The following GIGYF1 variants were observed in gnomAD, a reference collection of about 807,000 sequenced individuals.
GIGYF1 encodes the protein GRB10-interacting GYF protein 1.
A neutral mutation model predicts 147.1 loss-of-function variants in GIGYF1; 84 were observed. The ratio of observed to expected loss-of-function variants is 0.57; its 90% confidence interval spans 0.48 to 0.68. The LOEUF is 0.68. GIGYF1 is among the 30% of genes least tolerant of loss of function. The probability of loss-of-function intolerance (pLI) is 0.00; values close to 1 mark genes in which losing one functional copy is unlikely to be tolerated. For synonymous variants in GIGYF1, 752 were observed against 589.5 expected (o/e 1.28, Z -3.99); for missense variants, 1,485 against 1,393.7 (o/e 1.07, Z -1.04).
In GIGYF1 at chr7:100,682,490, G is replaced by A; in HGVS notation, c.2601-8C>T. ...AGGTGGCTGTATGAGTCACTGAAGG[G>A]GGAGGGTGAGTCAGGGTTGGAAATC... On this transcript the variant is annotated splice_polypyrimidine_tract_variant and splice_region_variant and intron_variant, in intron 23 of 26. Coordinates refer to ENST00000678049, the MANE Select transcript of GIGYF1 (RefSeq NM_001375765.1). 6.2e-7 allele frequency: 1 copy of A among 1,610,524 alleles called. No individual in the cohort carries two copies. Among genetic ancestry groups the A allele is most frequent in the Non-Finnish European group, 8.5e-7 (1 of 1,179,792 alleles).
intron 1 of GIGYF1, among the ~76,000 whole-genome samples, chr7:100,690,443 G>A (rs1805736848): frequency 1.3e-5 from 2 of 152,112 alleles, no homozygotes; most frequent in African/African-American, 2.4e-5. Flanking sequence ...CTGAGTAACA[G>A]AACAAGACCA....
rs759008244 is a variant in GIGYF1 at position 100,682,115 on chromosome 7, C to T, written c.2882G>A (p.Arg961Gln). ...CTGGCTGGCTTTCTGCTTGGCCCTC[C>T]GCTCCAGGAATTGTTTGGCAAATTC... The part of the protein sequence containing the change: ...AKEFAKQFLE[R>Q]RAKQKASQQR... The change falls in exon 25 of 27, where the codon CGG becomes CAG. Residue 961 changes from arginine (R) to glutamine (Q), a missense_variant. Arg to Gln is a conservative substitution (Grantham distance 43). Coordinates refer to ENST00000678049, the MANE Select transcript of GIGYF1 (RefSeq NM_001375765.1). 5.0e-6 allele frequency: 8 copies of T among 1,613,914 alleles called. No individual in the cohort carries two copies. The highest frequency in any genetic ancestry group is 1.7e-5 in the Admixed American group (1 of 60,028).
In GIGYF1 at chr7:100,680,967, G is replaced by A. The variant is rs1185173703; in HGVS notation, c.*752C>T. 6.5e-6 allele frequency: 1 copy of A among 152,710 alleles called. No homozygotes were observed. Among genetic ancestry groups the A allele is most frequent in the Non-Finnish European group, 1.5e-5 (1 of 68,070 alleles). The allele number at this position is 152,710 out of a possible 1,614,324, so 9.5% of individuals were successfully genotyped here. A position where few individuals can be genotyped will look rare whatever the true frequency, so the allele number is the denominator to read the frequency against. On this transcript the variant is annotated 3_prime_UTR_variant, in exon 27 of 27. Transcript: ENST00000678049. ...GCTGCCCCACCCTGCCAGCCAGAGA[G>A]GTTGGCACGGCTTGGCCCCTCCCGT...
chr7:100,682,832 A>C (rs1309032361), intron 22 of GIGYF1, 55 bp from the exon 23 acceptor site: 28 of 1,483,970 alleles, frequency 1.9e-5, no homozygotes, highest in Non-Finnish European at 2.3e-5. Context: ...AGAAAAGCGG[A>C]TGGGGAGGCT....
At chr7:100,685,695 C>T (rs375072784) in intron 12 of GIGYF1, among the ~76,000 whole-genome samples, 4 of 152,150 alleles carry the variant, frequency 2.6e-5, no homozygotes. Context: ...ATCACAACAT[C>T]GCACAACACC....
chr7:100,679,709 G>A lies in GIGYF1; in HGVS notation c.*2010C>T, dbSNP rs1419791508. ...CCCAGGAAGACCGGGGCCGGGGAAG[G>A]ACAGCAACAGGGTCTGAGTCCCTGG... On this transcript the variant is annotated 3_prime_UTR_variant, in exon 27 of 27. Transcript: ENST00000678049. 6.5e-6 allele frequency: 1 copy of A among 152,772 alleles called. No individual in the cohort carries two copies. The highest frequency in any genetic ancestry group is 2.4e-5 in the African/African-American group (1 of 41,420). The allele number at this position is 152,772 out of a possible 1,614,324, so 9.5% of individuals were successfully genotyped here. A position where few individuals can be genotyped will look rare whatever the true frequency, so the allele number is the denominator to read the frequency against.
intron 1 of GIGYF1, among the ~76,000 whole-genome samples, chr7:100,693,540 G>A (rs1805987497): frequency 6.6e-6 from 1 of 152,210 alleles, no homozygotes; most frequent in African/African-American, 2.4e-5. Context: ...TGGAGGGCAA[G>A]GCTTCCATGT....
In GIGYF1 at chr7:100,687,815, A is replaced by G. The variant is rs769972939; in HGVS notation, c.234T>C (p.Ala78=). ...GTTCCTCCTCAGTCAGCGGCTCCAG[A>G]GCCAGGGGCTGCAGTGGCTCGTCCT... The part of the protein sequence containing the change: ...VLQDEPLQPL[A]LEPLTEEEQR... Residue 78 remains alanine, a synonymous_variant, in exon 6 of 27, where the codon GCT becomes GCC. Transcript: ENST00000678049. The G allele has an allele frequency of 1.1e-5, 17 of 1,612,902 alleles. No homozygotes were observed. In the South Asian group the frequency reaches 1.6e-4, roughly 16 times the overall value.
chr7:100,693,880 G>A (rs1234795002), intron 1 of GIGYF1: 1 of 151,630 alleles, frequency 6.6e-6, no homozygotes, highest in Non-Finnish European at 1.5e-5. Flanking sequence ...CCGGCTCTGG[G>A]GGAGGGTCCC....
Position 100,683,626 on chromosome 7 carries a change from T to C in GIGYF1, c.1976A>G (p.Glu659Gly). 1 of 1,614,062 alleles carries C rather than the reference T, an allele frequency of 6.2e-7. No individual in the cohort carries two copies. Among genetic ancestry groups the C allele is most frequent in the Non-Finnish European group, 8.5e-7 (1 of 1,179,898 alleles). Reference sequence around the variant, plus strand: ...AATTGGTATGTCCCAAAGACTGGCCTCACCACCTGCAGGGGGCAGGGGGGC... The same window carrying C: ...AATTGGTATGTCCCAAAGACTGGCCCCACCACCTGCAGGGGGCAGGGGGGC... ...HTSASSQSGG[E>G]ASLWDIPINS... is the part of the protein sequence containing the mutation. Residue 659 changes from glutamate to glycine, a missense_variant, in exon 20 of 27, where the codon GAG becomes GGG. Physicochemically the swap from Glu to Gly is moderately conservative, Grantham distance 98. Transcript: ENST00000678049.
rs983072741 is a variant in GIGYF1 at position 100,680,980 on chromosome 7, T to C, written c.*739A>G. 7 of 152,708 alleles carry C rather than the reference T, an allele frequency of 4.6e-5. No individual in the cohort carries two copies. Among genetic ancestry groups the C allele is most frequent in the Admixed American group, 2.6e-4 (4 of 15,288 alleles). 9.5% of individuals were successfully genotyped at this position (152,708 alleles called of 1,614,324 possible). ...GCCAGCCAGAGAGGTTGGCACGGCT[T>C]GGCCCCTCCCGTCTACTCGGCCAGC... On this transcript the variant is annotated 3_prime_UTR_variant, in exon 27 of 27. Coordinates refer to ENST00000678049, the MANE Select transcript of GIGYF1 (RefSeq NM_001375765.1).
chr7:100,685,610 G>T, intron 12 of GIGYF1, 129 bp from the exon 13 acceptor site: 2 of 1,029,990 alleles, frequency 1.9e-6, no homozygotes, highest in Non-Finnish European at 2.8e-6. Flanking sequence ...CTTCACTTGG[G>T]TCAACTCAAC....
chr7:100,684,485 G>T lies in GIGYF1; in HGVS notation c.1594C>A (p.Pro532Thr). 1 of 1,613,512 alleles carries T rather than the reference G, an allele frequency of 6.2e-7. No individual in the cohort carries two copies. The change falls in exon 16 of 27, where the codon CCC (proline) becomes ACC (threonine). Residue 532 changes from proline to threonine, a missense_variant. Coordinates refer to ENST00000678049, the MANE Select transcript of GIGYF1 (RefSeq NM_001375765.1). ...GGAGGTGAGGGCCCTGGGGCAAAGG[G>T]CACGCGGCCCCACATCTTGATCACC... ...GEVIKMWGRV[P>T]FAPGPSPPPL...
At chr7:100,692,689 G>A (rs1265278314) in intron 1 of GIGYF1, among the ~76,000 whole-genome samples, 1 of 152,228 alleles carries the variant, frequency 6.6e-6, no homozygotes, top group Non-Finnish European at 1.5e-5. Flanking sequence ...TAGTCCAGAA[G>A]TTTAAGCACA....
At chr7:100,685,555 T>A (rs559937317) in intron 12 of GIGYF1, 74 bp from the exon 13 acceptor site, 1 of 1,544,882 alleles carries the variant, frequency 6.5e-7, no homozygotes, top group South Asian at 1.2e-5. Flanking sequence ...AGCCCTTGAG[T>A]GTGGCTGGAA....
intron 9 of GIGYF1, 66 bp downstream of exon 9, chr7:100,686,940 C>T: frequency 6.2e-7 from 1 of 1,607,672 alleles, no homozygotes; most frequent in Non-Finnish European, 8.5e-7. Flanking sequence ...AATAAGCACC[C>T]CCAGACTGGG....
At position 100,687,042 on chromosome 7, in the gene GIGYF1, C is replaced by T; in HGVS notation, c.487G>A (p.Glu163Lys). Residue 163 changes from glutamate to lysine, a missense_variant, in exon 9 of 27, where the codon GAG becomes AAG. By Grantham distance (56) the Glu-to-Lys change is moderately conservative. Transcript: ENST00000678049. Reference protein sequence around the residue: ...QRSQSWDDRGERRFEKSARRD... With the variant: ...QRSQSWDDRGKRRFEKSARRD... ...CTTGCTGACTTCTCAAACCGCCTCT[C>T]GCCTCTGCAGCAGGGGAAACGTGTG... The T allele has an allele frequency of 1.2e-6, 2 of 1,613,850 alleles. No homozygotes were observed. Among genetic ancestry groups the T allele is most frequent in the Non-Finnish European group, 1.7e-6 (2 of 1,179,998 alleles).
rs1049008215 is a variant in GIGYF1 at position 100,680,815 on chromosome 7, C to T, written c.*904G>A. On this transcript the variant is annotated 3_prime_UTR_variant, in exon 27 of 27. Coordinates refer to ENST00000678049, the MANE Select transcript of GIGYF1 (RefSeq NM_001375765.1). ...TGAGGCAGCTCAGGCAGGGGTGAGG[C>T]GGGGGCTTGTGGCCCAAAGAATACA... The T allele has an allele frequency of 6.5e-6, 1 of 152,738 alleles. No individual in the cohort carries two copies. The highest frequency in any genetic ancestry group is 2.4e-5 in the African/African-American group (1 of 41,454). The allele number at this position is 152,738 out of a possible 1,614,324, so 9.5% of individuals were successfully genotyped here.
rs751018072 is a variant in GIGYF1, at chr7:100,686,361, C to A, written c.767G>T (p.Gly256Val). 5.0e-6 allele frequency: 8 copies of A among 1,612,894 alleles called. No homozygotes were observed. Among genetic ancestry groups the A allele is most frequent in the Middle Eastern group, 3.3e-4 (2 of 6,060 alleles). The change falls in exon 11 of 27, where the codon GGG becomes GTG. Residue 256 changes from glycine to valine, a missense_variant. By Grantham distance (109) the Gly-to-Val change is moderately radical. Coordinates refer to ENST00000678049, the MANE Select transcript of GIGYF1 (RefSeq NM_001375765.1). ...CTCTTCACCACACCCTCCTCGATCC[C>A]CTCGCAAATCAAATTCAAACTTGCG... ...RRRKFEFDLR[G>V]DRGGCGEEEG... is the part of the protein sequence containing the mutation.
Sources: allele counts gnomAD v4.1 joint callset (sites outside exome capture counted in the v4.1 genomes callset), GRCh38; gene constraint gnomAD v4.1.1; transcripts MANE v1.5; gene names NCBI Gene and HGNC (gene_info 2026-07-23, HGNC 2026-07-21).